The following NLRP14 variants were observed in gnomAD, a reference collection of about 807,000 sequenced individuals.
NLRP14 encodes NLR family pyrin domain containing 14.
NLRP14 carries 105 observed loss-of-function variants against 94.7 expected under a neutral mutation model. That is an observed-to-expected ratio of 1.11 (90% CI 0.95 to 1.30). NLRP14 has a LOEUF of 1.30. Ranked by LOEUF, NLRP14 falls within the 50% of genes most tolerant of loss-of-function variation. The pLI, the probability that NLRP14 is intolerant of heterozygous loss-of-function variation, is 0.00. For missense variants in NLRP14, 1,362 were observed against 1,254.1 expected (o/e 1.09, Z -1.30); for synonymous variants, 508 against 459.9 (o/e 1.10, Z -1.34).
chr11:7,045,250 A>G (rs1262388085), intron 4 of NLRP14, among the ~76,000 whole-genome samples: 2 of 152,234 alleles, frequency 1.3e-5, no homozygotes, highest in East Asian at 3.9e-4. Flanking sequence ...CTTAATTCTG[A>G]CTTCAGAGTT....
At chr11:7,077,596 A>G in the NLRP14 span, among the ~76,000 whole-genome samples, 1 of 152,378 alleles carries the variant, frequency 6.6e-6, no homozygotes. Context: ...TGAGCAATTT[A>G]CAAAAGAAAG....
Position 7,042,394 on chromosome 11 carries a change from G to T in NLRP14, c.368G>T (p.Gly123Val). Residue 123 changes from glycine to valine, a missense_variant, in exon 4 of 12, where the codon GGA becomes GTA. Coordinates refer to ENST00000299481, the MANE Select transcript of NLRP14 (RefSeq NM_176822.4). ...QEDQEAVLGD[G>V]TEYRNRIKEK... Reference sequence around the variant, plus strand: ...CTTTGCCATTCTGACTTAGGTGATGGAACAGAATACAGAAATAGAATAAAG... The same window carrying T: ...CTTTGCCATTCTGACTTAGGTGATGTAACAGAATACAGAAATAGAATAAAG... 6.2e-7 allele frequency: 1 copy of T among 1,613,292 alleles called. No homozygotes were observed. Among genetic ancestry groups the T allele is most frequent in the South Asian group, 1.1e-5 (1 of 90,984 alleles).
intron 7 of NLRP14, 84 bp from the exon 8 acceptor site, chr11:7,058,196 A>C: frequency 8.8e-7 from 1 of 1,133,934 alleles, no homozygotes; most frequent in Middle Eastern, 2.1e-4. Context: ...GGGGGTTATA[A>C]GTGCCACTGA....
the NLRP14 span, among the ~76,000 whole-genome samples, chr11:7,085,322 A>G: frequency 6.6e-6 from 1 of 152,204 alleles, no homozygotes; most frequent in Non-Finnish European, 1.5e-5. Flanking sequence ...ACTGTTGTGT[A>G]ACCAATCCCC....
At chr11:7,049,576 A>C in intron 5 of NLRP14, 95 bp from the exon 6 acceptor site, 1 of 874,484 alleles carries the variant, frequency 1.1e-6, no homozygotes, top group Non-Finnish European at 1.9e-6. Flanking sequence ...AAGAATATTC[A>C]TGTAATATCC....
chr11:7,090,001 C>G, the NLRP14 span: 4 of 1,613,122 alleles, frequency 2.5e-6, no homozygotes, highest in East Asian at 4.5e-5. Context: ...GGCGCCGCCC[C>G]AGGACGGGGG....
chr11:7,043,964 A>G lies in NLRP14; in HGVS notation c.1938A>G (p.Thr646=). The G allele has an allele frequency of 6.2e-7, 1 of 1,614,224 alleles. No homozygotes were observed. The highest frequency in any genetic ancestry group is 8.5e-7 in the Non-Finnish European group (1 of 1,180,026). ...TVVFEKKILK[T]SLPTNTWDGD... is the part of the protein sequence containing the mutation. Reference sequence around the variant, plus strand: ...TATTTGAGAAGAAGATATTAAAAACAAGCCTCCCAACTAACACTTGGTAAG... The same window carrying G: ...TATTTGAGAAGAAGATATTAAAAACGAGCCTCCCAACTAACACTTGGTAAG... The change falls in exon 4 of 12, where the codon ACA becomes ACG. Residue 646 remains threonine, a synonymous_variant. Transcript: ENST00000299481.
intron 4 of NLRP14, 111 bp downstream of exon 4, chr11:7,044,095 G>A (rs1852315053): frequency 1.9e-6 from 2 of 1,050,082 alleles, no homozygotes; most frequent in South Asian, 2.7e-5. Flanking sequence ...TAACCCTCTG[G>A]AGTTGTCCCA....
downstream of NLRP14, among the ~76,000 whole-genome samples, chr11:7,074,170 G>T (rs1852842306): frequency 6.6e-6 from 1 of 152,208 alleles, no homozygotes; most frequent in East Asian, 1.9e-4. Flanking sequence ...AATATCCCCT[G>T]AGTCAATGTG....
Position 7,042,476 on chromosome 11 carries a change from C to T in NLRP14, c.450C>T (p.Phe150=). The T allele has an allele frequency of 6.2e-7, 1 of 1,614,058 alleles. No homozygotes were observed. Among genetic ancestry groups the T allele is most frequent in the South Asian group, 1.1e-5 (1 of 91,080 alleles). ...CTTTGGCTGGAAAGCCTGAAGATTT[C>T]CATCATGGAATTGCAGAGAAAGATA... ...KKSLAGKPED[F]HHGIAEKDRK... is the part of the protein sequence containing the mutation. The change falls in exon 4 of 12, where the codon TTC becomes TTT. Residue 150 remains phenylalanine (F), a synonymous_variant. Coordinates refer to ENST00000299481, the MANE Select transcript of NLRP14 (RefSeq NM_176822.4).
chr11:7,022,441 A>G (rs930480269), intron 1 of NLRP14, among the ~76,000 whole-genome samples: 2 of 152,240 alleles, frequency 1.3e-5, no homozygotes, highest in African/African-American at 4.8e-5. Flanking sequence ...GCTTGAAGGC[A>G]TAGAATTTTC....
rs1852593172 is a variant in NLRP14, at chr11:7,060,063, G to T, written c.2803G>T (p.Glu935Ter). ...RHPSCNLQDL[E>*]LMGCVLTNAC... is the part of the protein sequence containing the mutation. ...TCCAAGCTGTAATCTTCAGGACTTG[G>T]AGTAGGTTTTCTGTTGCTTTACTTT... The change falls in exon 9 of 12, where the codon GAA becomes TAA. Residue 935 changes from glutamate to a stop codon, truncating the protein, a stop_gained and splice_region_variant. Transcript: ENST00000299481. LOFTEE classifies it high-confidence loss of function. 1.2e-5 allele frequency: 19 copies of T among 1,612,110 alleles called. No individual in the cohort carries two copies. The highest frequency in any genetic ancestry group is 1.7e-5 in the Admixed American group (1 of 59,936).
At chr11:7,051,393 G>T (rs1176025319) in intron 6 of NLRP14, among the ~76,000 whole-genome samples, 2 of 152,144 alleles carry the variant, frequency 1.3e-5, no homozygotes. Context: ...TTTGTGTATA[G>T]ACCATGCACA....
chr11:7,053,023 A>T (rs942488821), intron 6 of NLRP14, among the ~76,000 whole-genome samples: 1 of 152,198 alleles, frequency 6.6e-6, no homozygotes, highest in East Asian at 1.9e-4. Context: ...ATACCAAAAA[A>T]GTTTAAGTGA....
In NLRP14 at chr11:7,059,877, C is replaced by A. The variant is rs1852586238; in HGVS notation, c.2634-17C>A. On this transcript the variant is annotated splice_polypyrimidine_tract_variant and intron_variant, in intron 8 of 11. Transcript: ENST00000299481. ...AGAGCAATGATTCCATCTTTCTTCA[C>A]ATTGTCCTTCCTGTAGGCTGAGGCG... 2 of 1,605,454 alleles carry A rather than the reference C, an allele frequency of 1.2e-6. No individual in the cohort carries two copies. Among genetic ancestry groups the A allele is most frequent in the African/African-American group, 1.3e-5 (1 of 74,770 alleles).
intron 10 of NLRP14, among the ~76,000 whole-genome samples, chr11:7,063,052 CAT>C (rs1852650355): frequency 1.3e-5 from 2 of 152,196 alleles, no homozygotes; most frequent in South Asian, 2.1e-4. Flanking sequence ...GACATAATGA[CAT>C]GTGTCATCCT....
At chr11:7,056,848 A>G (rs1428303330) in intron 6 of NLRP14, among the ~76,000 whole-genome samples, 2 of 152,054 alleles carry the variant, frequency 1.3e-5, no homozygotes, top group Non-Finnish European at 2.9e-5. Flanking sequence ...GTTTTGGGCA[A>G]GCTGAGCTTT....
chr11:7,048,421 T>G (rs554395198), intron 5 of NLRP14, among the ~76,000 whole-genome samples: 1 of 152,336 alleles, frequency 6.6e-6, no homozygotes, highest in Admixed American at 6.5e-5. Context: ...CCTGTCAATA[T>G]GTACAAGGTA....
intron 3 of NLRP14, among the ~76,000 whole-genome samples, chr11:7,040,252 G>A (rs1348398834): frequency 5.3e-5 from 8 of 152,098 alleles, no homozygotes; most frequent in Non-Finnish European, 1.2e-4. Flanking sequence ...CCTACTGGTC[G>A]GCGGCCCCTC....
Sources: allele counts gnomAD v4.1 joint callset (sites outside exome capture counted in the v4.1 genomes callset), GRCh38; gene constraint gnomAD v4.1.1; transcripts MANE v1.5; gene names NCBI Gene and HGNC (gene_info 2026-07-23, HGNC 2026-07-21).